CD300C: variants seen among roughly 807,000 people sequenced by gnomAD.
CD300C encodes the protein CMRF35-like molecule 6.
CD300C carries 11 observed loss-of-function variants against 18.4 expected under a neutral mutation model. The observed-to-expected ratio is 0.60, with a 90% CI of 0.38 to 0.99. CD300C has a LOEUF of 0.99. Ranked by LOEUF, CD300C falls within the 50% of genes least tolerant of loss-of-function variation. The probability of loss-of-function intolerance (pLI) is 0.01; values close to 1 mark genes in which losing one functional copy is unlikely to be tolerated. For missense variants in CD300C, 277 were observed against 287.4 expected (o/e 0.96, Z 0.26); for synonymous variants, 116 against 116.3 (o/e 1.00, Z 0.02).
At position 74,541,360 on chromosome 17, in the gene CD300C, T is replaced by C. The variant is rs1598137294; in HGVS notation, c.*229A>G. 2.1e-6 allele frequency: 1 copy of C among 483,420 alleles called. No individual in the cohort carries two copies. The highest frequency in any genetic ancestry group is 1.9e-5 in the African/African-American group (1 of 51,500). 29.9% of individuals were successfully genotyped at this position (483,420 alleles called of 1,614,324 possible). A position where few individuals can be genotyped will look rare whatever the true frequency, so the allele number is the denominator to read the frequency against. ...GAGGTATTGCTGACGGCCCGAGGCT[T>C]AGCTGGCCGGGGCGTGCACATGAGA... On this transcript the variant is annotated 3_prime_UTR_variant, in exon 4 of 4. Coordinates refer to ENST00000330793, the MANE Select transcript of CD300C (RefSeq NM_006678.5).
Position 74,544,801 on chromosome 17 carries a change from C to T in CD300C, c.208G>A (p.Glu70Lys). The T allele has an allele frequency of 6.2e-7, 1 of 1,614,254 alleles. No individual in the cohort carries two copies. Among genetic ancestry groups the T allele is most frequent in the Non-Finnish European group, 8.5e-7 (1 of 1,180,048 alleles). ...PQILRCDKIV[E>K]TKGSAGKRNG... Reference sequence around the variant, plus strand: ...CTTTTCCCTGCTGACCCTTTGGTCTCCACAATCTTGTCACATCGGAGAATC... The same window carrying T: ...CTTTTCCCTGCTGACCCTTTGGTCTTCACAATCTTGTCACATCGGAGAATC... Residue 70 changes from glutamate (E) to lysine (K), a missense_variant, in exon 2 of 4, where the codon GAG (glutamate) becomes AAG (lysine). Physicochemically the swap from Glu to Lys is moderately conservative, Grantham distance 56 (BLOSUM62 1). Transcript: ENST00000330793.
Position 74,541,518 on chromosome 17 carries a change from G to C in CD300C, c.*71C>G. On this transcript the variant is annotated 3_prime_UTR_variant, in exon 4 of 4. Transcript: ENST00000330793. ...TGTGGAGAGAGCAGCCCGGGAGGGA[G>C]TGGTCAGGAGGTCATTCCAGTCCCC... The C allele has an allele frequency of 3.0e-6, 3 of 1,016,572 alleles. No individual in the cohort carries two copies. The highest frequency in any genetic ancestry group is 4.7e-6 in the Non-Finnish European group (3 of 638,290). 63.0% of individuals were successfully genotyped at this position (1,016,572 alleles called of 1,614,324 possible).
rs1250126748 is a variant in CD300C, at chr17:74,545,713, C to T, written c.61+9G>A. 1.2e-6 allele frequency: 2 copies of T among 1,603,982 alleles called. No individual in the cohort carries two copies. The highest frequency in any genetic ancestry group is 2.2e-5 in the South Asian group (2 of 89,552). On this transcript the variant is annotated intron_variant, in intron 1 of 3. Coordinates refer to ENST00000330793, the MANE Select transcript of CD300C (RefSeq NM_006678.5). ...CAGAGCTCCCCAAGTCCAGGGTCGG[C>T]CCACTCACCTGGGACAAGCAGGAGG...
chr17:74,544,297 A>G (rs1908667830), intron 2 of CD300C, among the ~76,000 whole-genome samples: 1 of 152,040 alleles, frequency 6.6e-6, no homozygotes, highest in Non-Finnish European at 1.5e-5. Context: ...CCACCCAGGA[A>G]AGTTTCAGGC....
chr17:74,542,826 C>T, intron 3 of CD300C, 35 bp downstream of exon 3: 1 of 1,577,830 alleles, frequency 6.3e-7, no homozygotes. Context: ...GGGGAGGCCG[C>T]CAGCGTGGCC....
At chr17:74,543,957 C>T (rs898093193) in intron 2 of CD300C, among the ~76,000 whole-genome samples, 1 of 152,170 alleles carries the variant, frequency 6.6e-6, no homozygotes, top group African/African-American at 2.4e-5. Context: ...AGGTCAGCCT[C>T]AGGGGCAGGA....
At chr17:74,543,017 G>A (rs1310433356) in intron 2 of CD300C, 30 bp from the exon 3 acceptor site, 2 of 1,611,968 alleles carry the variant, frequency 1.2e-6, no homozygotes, top group African/African-American at 2.7e-5. Context: ...CAACCTTGAT[G>A]ACATCACATG....
At chr17:74,539,365 C>T (rs573854558), downstream of CD300C, among the ~76,000 whole-genome samples, 168 of 152,274 alleles carry the variant, frequency 1.1e-3, no homozygotes, top group African/African-American at 3.7e-3. Context: ...AATGCAATCC[C>T]GGGCCTTCCC....
chr17:74,536,079 G>A (rs1908365720), downstream of CD300C, among the ~76,000 whole-genome samples: 1 of 151,874 alleles, frequency 6.6e-6, no homozygotes, highest in South Asian at 2.1e-4. Context: ...CCTGTGAAAG[G>A]GAATATTTAA....
At chr17:74,537,048 GAAA>G, downstream of CD300C, among the ~76,000 whole-genome samples, 1 of 133,526 alleles carries the variant, frequency 7.5e-6, no homozygotes, top group African/African-American at 3.8e-5. Flanking sequence ...GGGAGGAAAA[GAAA>G]AAAGAAGAAA....
chr17:74,537,043 G>A (rs1021036592), downstream of CD300C, among the ~76,000 whole-genome samples: 3 of 143,452 alleles, frequency 2.1e-5, no homozygotes, highest in African/African-American at 8.7e-5. Flanking sequence ...AAAGAGGGAG[G>A]AAAAGAAAAA....
chr17:74,536,532 C>CAAAAAAAAAAAAAAAAAAAAA (rs376317178), downstream of CD300C, among the ~76,000 whole-genome samples: 1 of 109,212 alleles, frequency 9.2e-6, no homozygotes. Context: ...GACTCCGTCT[C>CAAAAAAAAAAAAAAAAAAAAA]AAAAAAAAAA....
intron 1 of CD300C, 102 bp from the exon 2 acceptor site, chr17:74,545,049 A>G: frequency 2.7e-6 from 3 of 1,097,836 alleles, no homozygotes; most frequent in South Asian, 1.5e-5. Context: ...GGAGAAGGCA[A>G]TGGCAGGCAG....
rs764035212 is a variant in CD300C, at chr17:74,542,986, G to A, written c.402C>T (p.Ala134=). The A allele has an allele frequency of 4.3e-5, 69 of 1,613,466 alleles. No homozygotes were observed. Among genetic ancestry groups the A allele is most frequent in the Admixed American group, 1.3e-4 (8 of 60,022 alleles). Residue 134 remains alanine (A), a splice_region_variant and synonymous_variant, in exon 3 of 4, where the codon GCC becomes GCT. Transcript: ENST00000330793. ...GGGGGCTGGAGGCTGTGGTCGTCCC[G>A]GCTGTGGGTGAAACACAGGTCAACC... ...IVEVEVSVFP[A]GTTTASSPQS...
downstream of CD300C, among the ~76,000 whole-genome samples, chr17:74,539,725 TG>T (rs1490930013): frequency 6.6e-6 from 1 of 152,228 alleles, no homozygotes; most frequent in African/African-American, 2.4e-5. Flanking sequence ...CTCCTCTGCC[TG>T]CCTCCAGCTG....
downstream of CD300C, among the ~76,000 whole-genome samples, chr17:74,539,855 C>T (rs542897798): frequency 4.6e-5 from 7 of 152,312 alleles, no homozygotes; most frequent in South Asian, 8.3e-4. Context: ...TGGTGGGTTT[C>T]GTCTGGACTG....
chr17:74,541,802 C>T (rs1435409179), intron 3 of CD300C, 66 bp from the exon 4 acceptor site: 11 of 1,544,358 alleles, frequency 7.1e-6, no homozygotes, highest in Non-Finnish European at 8.8e-6. Context: ...CCTCCACCAT[C>T]CCCTGACCCT....
Position 74,542,967 on chromosome 17 carries a change from T to G in CD300C, c.421A>C (p.Ser141Arg), listed in dbSNP as rs2143145819. 2 of 1,613,704 alleles carry G rather than the reference T, an allele frequency of 1.2e-6. No individual in the cohort carries two copies. The highest frequency in any genetic ancestry group is 4.5e-5 in the East Asian group (2 of 44,884). ...GAGGTGCCCATGGAGCTCTGGGGGC[T>G]GGAGGCTGTGGTCGTCCCGGCTGTG... ...VFPAGTTTASSPQSSMGTSGP... is the reference protein window; with the variant it reads ...VFPAGTTTASRPQSSMGTSGP... The change falls in exon 3 of 4, where the codon AGC becomes CGC. Residue 141 changes from serine to arginine, a missense_variant. By Grantham distance (110) the Ser-to-Arg change is moderately radical (BLOSUM62 -1). Transcript: ENST00000330793.
rs2143155387 is a variant in CD300C at position 74,544,816 on chromosome 17, A to G, written c.193T>C (p.Cys65Arg). 2 of 1,614,212 alleles carry G rather than the reference A, an allele frequency of 1.2e-6. No individual in the cohort carries two copies. The highest frequency in any genetic ancestry group is 1.1e-5 in the South Asian group (1 of 91,082). ...CCTTTGGTCTCCACAATCTTGTCACATCGGAGAATCTGTGGTGGTCTGCAC... is the reference window on the plus strand; with the variant it reads ...CCTTTGGTCTCCACAATCTTGTCACGTCGGAGAATCTGTGGTGGTCTGCAC... ...FWCRPPQILR[C>R]DKIVETKGSA... Residue 65 changes from cysteine (C) to arginine (R), a missense_variant, in exon 2 of 4, where the codon TGT becomes CGT. Coordinates refer to ENST00000330793, the MANE Select transcript of CD300C (RefSeq NM_006678.5).
Sources: allele counts gnomAD v4.1 joint callset (sites outside exome capture counted in the v4.1 genomes callset), GRCh38; gene constraint gnomAD v4.1.1; transcripts MANE v1.5; gene names NCBI Gene and HGNC (gene_info 2026-07-23, HGNC 2026-07-21).